KAT6A: variants seen among roughly 807,000 people sequenced by gnomAD.
The protein encoded by KAT6A is histone acetyltransferase KAT6A.
In KAT6A, 9 loss-of-function variants were observed where a neutral mutation model predicts 198.4. That is an observed-to-expected ratio of 0.05 (90% CI 0.03 to 0.08). The LOEUF is 0.08. Ranked by LOEUF, KAT6A falls within the 10% of genes least tolerant of loss-of-function variation. KAT6A has a pLI of 1.00. For synonymous variants in KAT6A, 890 were observed against 883.0 expected (o/e 1.01, Z -0.14); for missense variants, 2,077 against 2,509.9 (o/e 0.83, Z 3.69).
chr8:41,943,215 T>C (rs770738649), intron 13 of KAT6A, among the ~76,000 whole-genome samples: 37 of 152,140 alleles, frequency 2.4e-4, no homozygotes, highest in Non-Finnish European at 4.6e-4. Flanking sequence ...CCGCGGGCTG[T>C]TTTCACTGCC....
At position 41,933,484 on chromosome 8, in the gene KAT6A, C is replaced by T; in HGVS notation, c.4736G>A (p.Gly1579Glu). The T allele has an allele frequency of 6.2e-7, 1 of 1,613,624 alleles. No homozygotes were observed. Among genetic ancestry groups the T allele is most frequent in the Non-Finnish European group, 8.5e-7 (1 of 1,179,660 alleles). ...GCAGCTGCTCTGGGAAGAGCTGTTC[C>T]CACAGATGCTGCCGCCCATCGTGGA... ...YDSTMGGSIC[G>E]NSSSQSSCSY... The change falls in exon 17 of 17, where the codon GGG becomes GAG. Residue 1579 changes from glycine to glutamate, a missense_variant. Gly to Glu is a moderately conservative substitution (Grantham distance 98). Transcript: ENST00000265713. The surrounding 1 kb of genome is among the most constrained non-coding windows in gnomAD (Gnocchi z 6.2).
chr8:41,946,973 G>A (rs772846237), intron 11 of KAT6A, among the ~76,000 whole-genome samples: 2 of 152,158 alleles, frequency 1.3e-5, no homozygotes, highest in Admixed American at 6.5e-5. Flanking sequence ...GATCAGCACC[G>A]GAATCTGAGT....
intron 2 of KAT6A, among the ~76,000 whole-genome samples, chr8:42,027,675 CTCT>C (rs1430189496): frequency 1.2e-4 from 18 of 152,056 alleles, no homozygotes. Flanking sequence ...TGGGTCTTCT[CTCT>C]TTTTTCTTGG....
intron 2 of KAT6A, among the ~76,000 whole-genome samples, chr8:41,996,235 T>G (rs1825196254): frequency 6.6e-6 from 1 of 152,166 alleles, no homozygotes; most frequent in African/African-American, 2.4e-5. Flanking sequence ...AAACTCAAAC[T>G]CATAACTTTG....
intron 9 of KAT6A, among the ~76,000 whole-genome samples, chr8:41,954,202 A>C (rs1441627058): frequency 1.3e-5 from 2 of 152,224 alleles, no homozygotes; most frequent in African/African-American, 4.8e-5. Flanking sequence ...GCAAGTTATT[A>C]TATGGAAAGA....
intron 1 of KAT6A, among the ~76,000 whole-genome samples, chr8:42,050,791 T>TA (rs577098893): frequency 1.1e-3 from 169 of 152,212 alleles, no homozygotes; most frequent in Middle Eastern, 3.4e-3. Flanking sequence ...GCTTCGCAGG[T>TA]AAAAGAATGA....
rs748470605 is a variant in KAT6A, at chr8:41,980,858, G to A, written c.895C>T (p.Arg299Cys). ...HMECCDPPLT[R>C]MPKGMWICQI... ...AAGTATTTCTCACCTTTTGGCATAC[G>A]GGTGAGTGGCGGATCACAACACTCC... The change falls in exon 5 of 17, where the codon CGT becomes TGT. Residue 299 changes from arginine (R) to cysteine (C), a missense_variant. Transcript: ENST00000265713. 11 of 1,610,488 alleles carry A rather than the reference G, an allele frequency of 6.8e-6. No homozygotes were observed. Among genetic ancestry groups the A allele is most frequent in the East Asian group, 2.2e-5 (1 of 44,880 alleles).
At chr8:42,031,979 G>A (rs2150922345) in intron 2 of KAT6A, among the ~76,000 whole-genome samples, 1 of 150,428 alleles carries the variant, frequency 6.6e-6, no homozygotes, top group South Asian at 2.1e-4. Context: ...GCCCAGGCTA[G>A]AATGCAGTGG....
chr8:41,931,868 C>T lies in KAT6A; in HGVS notation c.*337G>A. 4.2e-6 allele frequency: 1 copy of T among 238,120 alleles called. No individual in the cohort carries two copies. The highest frequency in any genetic ancestry group is 6.4e-5 in the East Asian group (1 of 15,680). 14.8% of individuals were successfully genotyped at this position (238,120 alleles called of 1,614,324 possible). On this transcript the variant is annotated 3_prime_UTR_variant, in exon 17 of 17. Transcript: ENST00000265713. ...TACATTTTAAAATAAAGATAATTCACTTTTACACAAATTCTGTCCATGTGG... is the reference window on the plus strand; with the variant it reads ...TACATTTTAAAATAAAGATAATTCATTTTTACACAAATTCTGTCCATGTGG...
intron 8 of KAT6A, among the ~76,000 whole-genome samples, chr8:41,966,492 G>A (rs773195452): frequency 2.6e-5 from 4 of 151,972 alleles, no homozygotes; most frequent in African/African-American, 4.8e-5. Flanking sequence ...TGGTGGATAC[G>A]CGGGGACTCC....
chr8:41,982,247 T>C (rs775153130), intron 3 of KAT6A, among the ~76,000 whole-genome samples: 1 of 152,044 alleles, frequency 6.6e-6, no homozygotes, highest in Non-Finnish European at 1.5e-5. Context: ...TGTGTGTACA[T>C]ATCCGGTATA....
intron 8 of KAT6A, among the ~76,000 whole-genome samples, chr8:41,973,268 C>T (rs1302051779): frequency 6.6e-6 from 1 of 151,858 alleles, no homozygotes; most frequent in Admixed American, 6.6e-5. Context: ...CTCTGTTGCC[C>T]AGGCTGGAGT....
intron 3 of KAT6A, 41 bp downstream of exon 3, chr8:41,987,414 C>A (rs778961693): frequency 8.0e-7 from 1 of 1,246,838 alleles, no homozygotes; most frequent in Non-Finnish European, 1.2e-6. Context: ...CGCTTGCCTT[C>A]GTAACACATT....
In KAT6A at chr8:42,048,507, G is replaced by A. The variant is rs779810182; in HGVS notation, c.471C>T (p.His157=). The change falls in exon 2 of 17, where the codon CAC becomes CAT. Residue 157 remains histidine (H), a synonymous_variant. Transcript: ENST00000265713. ...GAGGTCCATCTTTAAGGAGTCTGCCGTGGCCAATGGCACGTTTGATAGCCA... is the reference window on the plus strand; with the variant it reads ...GAGGTCCATCTTTAAGGAGTCTGCCATGGCCAATGGCACGTTTGATAGCCA... The part of the protein sequence containing the change: ...LRLAIKRAIG[H]GRLLKDGPLY... 2.8e-5 allele frequency: 45 copies of A among 1,614,144 alleles called. No homozygotes were observed. The highest frequency in any genetic ancestry group is 3.6e-5 in the Non-Finnish European group (42 of 1,180,020).
chr8:41,951,444 C>A (rs1248246435), intron 9 of KAT6A, among the ~76,000 whole-genome samples: 1 of 152,096 alleles, frequency 6.6e-6, no homozygotes, highest in African/African-American at 2.4e-5. Context: ...ATAGAAAGAA[C>A]ATGAGACTAC....
intron 2 of KAT6A, among the ~76,000 whole-genome samples, chr8:41,992,708 C>T (rs1246935752): frequency 6.6e-6 from 1 of 152,120 alleles, no homozygotes; most frequent in East Asian, 1.9e-4. Context: ...TTAGAGCAAT[C>T]ACTGAAGAGA....
Position 41,931,143 on chromosome 8 carries a change from A to G in KAT6A, c.*1062T>C, listed in dbSNP as rs1192441184. Reference sequence around the variant, plus strand: ...TAAAATGTACAGTCATCCACCAACAATTTAAGAAAGAACCTAAGAGGCAAA... The same window carrying G: ...TAAAATGTACAGTCATCCACCAACAGTTTAAGAAAGAACCTAAGAGGCAAA... On this transcript the variant is annotated 3_prime_UTR_variant, in exon 17 of 17. Transcript: ENST00000265713. The G allele has an allele frequency of 4.5e-6, 1 of 222,424 alleles. No homozygotes were observed. The highest frequency in any genetic ancestry group is 9.0e-6 in the Non-Finnish European group (1 of 111,036). The allele number at this position is 222,424 out of a possible 1,614,324, so 13.8% of individuals were successfully genotyped here. A position where few individuals can be genotyped will look rare whatever the true frequency, so the allele number is the denominator to read the frequency against.
chr8:41,941,750 A>G (rs1247971035), intron 14 of KAT6A, among the ~76,000 whole-genome samples: 5 of 152,232 alleles, frequency 3.3e-5, no homozygotes, highest in African/African-American at 1.2e-4. Flanking sequence ...GCAAGAGAAG[A>G]TGCTGGGATA....
chr8:42,040,027 G>A (rs1030197577), intron 2 of KAT6A, among the ~76,000 whole-genome samples: 4 of 151,786 alleles, frequency 2.6e-5, no homozygotes, highest in Admixed American at 6.6e-5. Flanking sequence ...GATTATAGGC[G>A]TGAGCCACCG....
Sources: gnomAD v4.1 joint callset for allele counts (sites outside exome capture counted in the v4.1 genomes callset) on GRCh38, gnomAD v4.1.1 for gene constraint, Gnocchi (gnomAD v3.1) non-coding constraint, MANE v1.5 for transcripts, NCBI Gene and HGNC (gene_info 2026-07-23, HGNC 2026-07-21) for gene names.